The following RYR3 variants were observed in gnomAD, a reference collection of about 807,000 sequenced individuals.
The protein encoded by RYR3 is brain ryanodine receptor-calcium release channel.
RYR3 carries 207 observed loss-of-function variants against 584.3 expected under a neutral mutation model. That is an observed-to-expected ratio of 0.35 (90% CI 0.32 to 0.40). RYR3 has a LOEUF of 0.40. Among genes scored for constraint, RYR3 ranks in the 10% least tolerant of loss-of-function variants. The pLI is 1.00. For missense variants in RYR3, 5,616 were observed against 6,089.2 expected (o/e 0.92, Z 2.59); for synonymous variants, 2,416 against 2,248.5 (o/e 1.07, Z -2.11).
rs35065336 is a variant in RYR3 at position 33,470,463 on chromosome 15, CAA to C, written c.52-2945_52-2944del. 9.8e-5 allele frequency among the ~76,000 whole-genome samples: 14 copies of C among 142,248 alleles called. 1 individual carries two copies. The highest frequency in any genetic ancestry group is 2.3e-4 in the African/African-American group (9 of 39,816). 93.3% of individuals were successfully genotyped at this position (142,248 alleles called of 152,430 possible). A position where few individuals can be genotyped will look rare whatever the true frequency, so the allele number is the denominator to read the frequency against. ...CCCAGAGTTGTGTTATTTTCTCTATCAAAAAAAAAAAATCAACAGTCCTCCTT... is the reference window on the plus strand; with the variant it reads ...CCCAGAGTTGTGTTATTTTCTCTATCAAAAAAAAAATCAACAGTCCTCCTT... On this transcript the variant is annotated intron_variant, in intron 1 of 103. Transcript: ENST00000634891.
intron 93 of RYR3, chr15:33,847,020 A>C (rs541666579): frequency 6.6e-6 from 1 of 152,252 alleles, no homozygotes; most frequent in African/African-American, 2.4e-5. Flanking sequence ...GAGAGTATAC[A>C]AACTTCTAGG....
chr15:33,436,226 T>A (rs1397196904), intron 1 of RYR3, among the ~76,000 whole-genome samples: 1 of 152,208 alleles, frequency 6.6e-6, no homozygotes, highest in Non-Finnish European at 1.5e-5. Flanking sequence ...CTATACTGAT[T>A]TCCTTTTTTT....
At chr15:33,785,269 A>C (rs757781309) in intron 65 of RYR3, among the ~76,000 whole-genome samples, 2 of 152,190 alleles carry the variant, frequency 1.3e-5, no homozygotes, top group Non-Finnish European at 2.9e-5. Flanking sequence ...AACACTGATC[A>C]GTTGCTTTTC....
chr15:33,463,943 A>T (rs2048241488), intron 1 of RYR3, among the ~76,000 whole-genome samples: 1 of 152,242 alleles, frequency 6.6e-6, no homozygotes, highest in South Asian at 2.1e-4. Context: ...AGCAAAAATC[A>T]TAAAAGAATG....
Position 33,644,534 on chromosome 15 carries a change from T to C in RYR3, c.3765+15T>C, listed in dbSNP as rs775224729. 24 of 1,604,892 alleles carry C rather than the reference T, an allele frequency of 1.5e-5. No homozygotes were observed. The highest frequency in any genetic ancestry group is 2.0e-5 in the Non-Finnish European group (24 of 1,172,496). The stretch of plus-strand genomic sequence containing the variant: ...CACACATAGAGGTAATGTTACACAA[T>C]GTGTGTGGCCCTGGCAGGTCAGGTG... On this transcript the variant is annotated intron_variant, in intron 28 of 103. Coordinates refer to ENST00000634891, the MANE Select transcript of RYR3 (RefSeq NM_001036.6).
chr15:33,725,795 T>TAAAAAA (rs3086219), intron 45 of RYR3, among the ~76,000 whole-genome samples: 2 of 130,486 alleles, frequency 1.5e-5, no homozygotes, highest in South Asian at 5.3e-4. Context: ...CCGTCTCTAC[T>TAAAAAA]AAAAAAAAAA....
rs2152702071 is a variant in RYR3, at chr15:33,659,722, G to A, written c.4311G>A (p.Val1437=). ...TTTCGATTTGTTTTGATTTCCAGGTGGAGCCTAATACCAAAGTGTTTCCAG... is the reference window on the plus strand; with the variant it reads ...TTTCGATTTGTTTTGATTTCCAGGTAGAGCCTAATACCAAAGTGTTTCCAG... The part of the protein sequence containing the change: ...NGKELGTCYQ[V]EPNTKVFPAV... The change falls in exon 33 of 104, where the codon GTG becomes GTA. Residue 1437 remains valine, a splice_region_variant and synonymous_variant. Coordinates refer to ENST00000634891, the MANE Select transcript of RYR3 (RefSeq NM_001036.6). The A allele has an allele frequency of 6.2e-7, 1 of 1,604,798 alleles. No homozygotes were observed. The highest frequency in any genetic ancestry group is 1.1e-5 in the South Asian group (1 of 90,820).
At position 33,861,140 on chromosome 15, in the gene RYR3, AAC is replaced by A. The variant is rs745611335; in HGVS notation, c.14431_14432del (p.His4811TyrfsTer19). 6.3e-7 allele frequency: 1 copy of A among 1,597,130 alleles called. No individual in the cohort carries two copies. Among genetic ancestry groups the A allele is most frequent in the Non-Finnish European group, 8.5e-7 (1 of 1,170,938 alleles). ...TTGACACAACCCCTCATGGTTTTGAAACACATACATTACAAGAGCACAACTTA... is the reference window on the plus strand; with the variant it reads ...TTGACACAACCCCTCATGGTTTTGAAACATACATTACAAGAGCACAACTTA... The part of the protein sequence containing the change: ...YFDTTPHGFE[T>X]HTLQEHNLAN... On this transcript the variant is annotated frameshift_variant, in exon 102 of 104. Transcript: ENST00000634891. LOFTEE classifies it high-confidence loss of function.
chr15:33,465,311 G>A (rs977972087), intron 1 of RYR3, among the ~76,000 whole-genome samples: 1 of 152,018 alleles, frequency 6.6e-6, no homozygotes, highest in South Asian at 2.1e-4. Context: ...ATATTCAGAA[G>A]CAGGATTGCT....
intron 3 of RYR3, among the ~76,000 whole-genome samples, chr15:33,506,820 C>T (rs565800003): frequency 6.6e-6 from 1 of 152,124 alleles, no homozygotes; most frequent in East Asian, 1.9e-4. Flanking sequence ...AATTACTGTA[C>T]ACATTTACTA....
At chr15:33,742,827 G>A (rs1021913100) in intron 52 of RYR3, among the ~76,000 whole-genome samples, 1 of 152,052 alleles carries the variant, frequency 6.6e-6, no homozygotes, top group Non-Finnish European at 1.5e-5. Flanking sequence ...GAAATTGAAA[G>A]CCTAACCCTT....
chr15:33,473,760 G>T (rs1183729309), intron 2 of RYR3, among the ~76,000 whole-genome samples: 3 of 152,218 alleles, frequency 2.0e-5, no homozygotes, highest in African/African-American at 7.2e-5. Context: ...TGCTTTGCCT[G>T]TCAGTGTTGT....
At chr15:33,726,780 C>G (rs2068496488) in intron 46 of RYR3, among the ~76,000 whole-genome samples, 1 of 152,240 alleles carries the variant, frequency 6.6e-6, no homozygotes. Context: ...TCACCATGAC[C>G]AATTTCAAGC....
At chr15:33,446,324 T>C (rs962374719) in intron 1 of RYR3, among the ~76,000 whole-genome samples, 8 of 152,240 alleles carry the variant, frequency 5.3e-5, no homozygotes, top group African/African-American at 1.9e-4. Flanking sequence ...AATACTAATA[T>C]TTCTTTACAT....
intron 27 of RYR3, among the ~76,000 whole-genome samples, chr15:33,637,568 A>C (rs2061562901): frequency 6.6e-6 from 1 of 152,230 alleles, no homozygotes; most frequent in African/African-American, 2.4e-5. Context: ...GTAGATGATG[A>C]GGGCTCCTTG....
chr15:33,778,340 A>G (rs1474723988), intron 64 of RYR3, among the ~76,000 whole-genome samples: 6 of 152,178 alleles, frequency 3.9e-5, no homozygotes, highest in Admixed American at 2.6e-4. Context: ...AAGACTGAAG[A>G]GAGAAAACAC....
intron 103 of RYR3, chr15:33,864,683 C>G (rs1889842236): frequency 5.7e-6 from 1 of 175,086 alleles, no homozygotes; most frequent in South Asian, 1.5e-4. Flanking sequence ...AGGAAAAAGT[C>G]AGTTATCAAA....
At chr15:33,552,457 A>G (rs2056757120) in intron 10 of RYR3, among the ~76,000 whole-genome samples, 1 of 152,206 alleles carries the variant, frequency 6.6e-6, no homozygotes, top group South Asian at 2.1e-4. Flanking sequence ...CCATCGGCAT[A>G]GCAGAGCTGG....
intron 64 of RYR3, among the ~76,000 whole-genome samples, chr15:33,778,677 C>G (rs2074186350): frequency 6.6e-6 from 1 of 152,246 alleles, no homozygotes; most frequent in Admixed American, 6.5e-5. Flanking sequence ...TCTCAGCAGT[C>G]TCCGTCTCTG....
Sources: allele counts gnomAD v4.1 joint callset (sites outside exome capture counted in the v4.1 genomes callset), GRCh38; gene constraint gnomAD v4.1.1; transcripts MANE v1.5; gene names NCBI Gene and HGNC (gene_info 2026-07-23, HGNC 2026-07-21).